The following GNG12 variants were observed in gnomAD, a reference collection of about 807,000 sequenced individuals.
GNG12 encodes the protein G protein subunit gamma 12, also known as guanine nucleotide-binding protein G(I)/G(S)/G(O) subunit gamma-12.
For missense variants in GNG12, 69 were observed against 83.8 expected (o/e 0.82, Z 0.69); for synonymous variants, 28 against 29.7 (o/e 0.94, Z 0.19).
intron 1 of GNG12, among the ~76,000 whole-genome samples, chr1:67,796,366 C>G (rs1371124708): frequency 6.6e-6 from 1 of 152,050 alleles, no homozygotes; most frequent in African/African-American, 2.4e-5. Flanking sequence ...ATGCTTTCTG[C>G]TTGAGGCCTG....
chr1:67,733,976 G>A (rs1270655868), intron 2 of GNG12, among the ~76,000 whole-genome samples: 2 of 152,164 alleles, frequency 1.3e-5, no homozygotes. Context: ...CTTGAAGATA[G>A]TTTTGCCTTC....
In GNG12 at chr1:67,753,573, A is replaced by C. The variant is rs1646551626; in HGVS notation, c.-27+23885T>G. Among the ~76,000 whole-genome samples, 4 of 152,268 alleles carry C rather than the reference A, an allele frequency of 2.6e-5. No individual in the cohort carries two copies. In the South Asian group the frequency reaches 8.3e-4, roughly 32 times the overall value. On this transcript the variant is annotated intron_variant, in intron 2 of 3. Transcript: ENST00000370982. The stretch of plus-strand genomic sequence containing the variant: ...AGGGCAGCCCCGATACCTTCCATGA[A>C]TCAGCTGTTCGCATGCACCTCCCCT...
At chr1:67,823,642 G>A (rs1309010568) in intron 1 of GNG12, among the ~76,000 whole-genome samples, 3 of 152,186 alleles carry the variant, frequency 2.0e-5, no homozygotes, top group African/African-American at 7.2e-5. Flanking sequence ...GCAGAAACCA[G>A]CTTAGCAAAA....
intron 2 of GNG12, among the ~76,000 whole-genome samples, chr1:67,751,227 A>G (rs1012124328): frequency 6.6e-6 from 1 of 151,788 alleles, no homozygotes; most frequent in African/African-American, 2.4e-5. Flanking sequence ...ATATACACAC[A>G]CGTTTTAAAA....
At position 67,796,974 on chromosome 1, in the gene GNG12, A is replaced by G. The variant is rs184514634; in HGVS notation, c.-76-19467T>C. 4.6e-3 allele frequency among the ~76,000 whole-genome samples: 704 copies of G among 152,294 alleles called. 4 individuals are homozygous for G. Among genetic ancestry groups the G allele is most frequent in the African/African-American group, 0.016 (673 of 41,556 alleles). On this transcript the variant is annotated intron_variant, in intron 1 of 3. Transcript: ENST00000370982. ...GAGAGATGTCAGGTTCTTTTAAACAATCAGCTCTTGCGTGAACTAATAAAG... is the reference window on the plus strand; with the variant it reads ...GAGAGATGTCAGGTTCTTTTAAACAGTCAGCTCTTGCGTGAACTAATAAAG...
At chr1:67,796,602 G>A (rs1557620762) in intron 1 of GNG12, among the ~76,000 whole-genome samples, 2 of 152,044 alleles carry the variant, frequency 1.3e-5, no homozygotes, top group Non-Finnish European at 2.9e-5. Flanking sequence ...TACTAGTTGG[G>A]TTATGCTTTA....
intron 2 of GNG12, 45 bp from the exon 3 acceptor site, chr1:67,707,757 T>G: frequency 2.2e-6 from 2 of 910,560 alleles, no homozygotes; most frequent in South Asian, 3.0e-5. Flanking sequence ...CATCTTTAAG[T>G]TATTTAAACA....
intron 2 of GNG12, among the ~76,000 whole-genome samples, chr1:67,760,605 A>G (rs1314075087): frequency 6.6e-6 from 1 of 152,224 alleles, no homozygotes; most frequent in Non-Finnish European, 1.5e-5. Context: ...CGACTTGCCT[A>G]AAGTCAAAGC....
intron 2 of GNG12, among the ~76,000 whole-genome samples, chr1:67,722,249 T>A (rs1646360298): frequency 6.6e-6 from 1 of 152,140 alleles, no homozygotes; most frequent in African/African-American, 2.4e-5. Flanking sequence ...TTCCTCTGTG[T>A]TGAGTTGTGT....
intron 1 of GNG12, among the ~76,000 whole-genome samples, chr1:67,792,855 T>C (rs918328896): frequency 2.0e-5 from 3 of 152,152 alleles, no homozygotes; most frequent in Admixed American, 1.3e-4. Flanking sequence ...CTCCAATATA[T>C]TTGGGTTTTC....
intron 1 of GNG12, among the ~76,000 whole-genome samples, chr1:67,783,348 T>C (rs1335251826): frequency 1.3e-5 from 2 of 152,178 alleles, no homozygotes; most frequent in Non-Finnish European, 2.9e-5. Context: ...TTTCTCTGGC[T>C]TCTCTAAATT....
intron 1 of GNG12, among the ~76,000 whole-genome samples, chr1:67,801,699 C>T (rs1646866512): frequency 6.6e-6 from 1 of 152,126 alleles, no homozygotes; most frequent in African/African-American, 2.4e-5. Context: ...TGGGGAGTGT[C>T]AGACCTCACA....
rs189511777 is a variant in GNG12, at chr1:67,707,551, G to T, written c.93+43C>A. 333 of 999,758 alleles carry T rather than the reference G, an allele frequency of 3.3e-4. 1 individual carries two copies. In the African/African-American group the frequency reaches 4.2e-3, roughly 13 times the overall value. The allele number at this position is 999,758 out of a possible 1,614,324, so 61.9% of individuals were successfully genotyped here. ...GTGGTCCAGCCACAAGGAACAGGGG[G>T]AACTGAGCAGAAAGCATATGTTATC... On this transcript the variant is annotated intron_variant, in intron 3 of 3. Transcript: ENST00000370982.
intron 1 of GNG12, among the ~76,000 whole-genome samples, chr1:67,785,793 G>A (rs916139885): frequency 6.6e-6 from 1 of 152,156 alleles, no homozygotes; most frequent in Non-Finnish European, 1.5e-5. Context: ...TTAGCCAAAC[G>A]ATACTAAACT....
Position 67,702,087 on chromosome 1 carries a change from A to G in GNG12, c.*3364T>C, listed in dbSNP as rs1421474016. ...TGTCCAAGGTCACACAGCACAGGACAGACTGGGAAATGATCCAGGGCTATG... is the reference window on the plus strand; with the variant it reads ...TGTCCAAGGTCACACAGCACAGGACGGACTGGGAAATGATCCAGGGCTATG... On this transcript the variant is annotated 3_prime_UTR_variant, in exon 4 of 4. Coordinates refer to ENST00000370982, the MANE Select transcript of GNG12 (RefSeq NM_018841.6). The G allele has an allele frequency of 6.5e-6, 1 of 152,810 alleles. No individual in the cohort carries two copies. Among genetic ancestry groups the G allele is most frequent in the African/African-American group, 2.4e-5 (1 of 41,480 alleles). 9.5% of individuals were successfully genotyped at this position (152,810 alleles called of 1,614,324 possible).
At chr1:67,744,058 C>A (rs1429658062) in intron 2 of GNG12, among the ~76,000 whole-genome samples, 1 of 152,092 alleles carries the variant, frequency 6.6e-6, no homozygotes, top group African/African-American at 2.4e-5. Context: ...GATGACAGTA[C>A]GAACAATAAA....
intron 2 of GNG12, among the ~76,000 whole-genome samples, chr1:67,756,594 T>C (rs1646569958): frequency 6.6e-6 from 1 of 152,092 alleles, no homozygotes; most frequent in African/African-American, 2.4e-5. Context: ...GGTGTGATGG[T>C]TTTAACCTGG....
intron 2 of GNG12, among the ~76,000 whole-genome samples, chr1:67,773,375 C>T (rs1646685829): frequency 1.3e-5 from 2 of 152,176 alleles, no homozygotes; most frequent in Admixed American, 6.5e-5. Flanking sequence ...CTCCTGCTCA[C>T]CTTCCCTATA....
rs974164250 is a variant in GNG12 at position 67,704,065 on chromosome 1, T to C, written c.*1386A>G. 3 of 152,254 alleles carry C rather than the reference T, an allele frequency of 2.0e-5. No individual in the cohort carries two copies. The highest frequency in any genetic ancestry group is 4.4e-5 in the Non-Finnish European group (3 of 68,048). 9.4% of individuals were successfully genotyped at this position (152,254 alleles called of 1,614,324 possible). A position where few individuals can be genotyped will look rare whatever the true frequency, so the allele number is the denominator to read the frequency against. Reference sequence around the variant, plus strand: ...ACTTTGATAAAGTCAAGATACCTTATTGGCCATAGGAGATTCCTCCTTTTG... The same window carrying C: ...ACTTTGATAAAGTCAAGATACCTTACTGGCCATAGGAGATTCCTCCTTTTG... On this transcript the variant is annotated 3_prime_UTR_variant, in exon 4 of 4. Transcript: ENST00000370982.
Sources: allele counts gnomAD v4.1 joint callset (sites outside exome capture counted in the v4.1 genomes callset), GRCh38; gene constraint gnomAD v4.1.1; transcripts MANE v1.5; gene names NCBI Gene and HGNC (gene_info 2026-07-23, HGNC 2026-07-21).